The following ACSBG1 variants were observed in gnomAD, a reference collection of about 807,000 sequenced individuals.
The protein encoded by ACSBG1 is long-chain-fatty-acid--CoA ligase ACSBG1.
In ACSBG1, 39 loss-of-function variants were observed where a neutral mutation model predicts 80.2. The ratio of observed to expected loss-of-function variants is 0.49; its 90% CI spans 0.38 to 0.64. The LOEUF (loss-of-function observed/expected upper bound fraction) is 0.64, where lower values mean the gene tolerates loss of function less well. Among genes scored for constraint, ACSBG1 ranks in the 30% least tolerant of loss-of-function variants. The pLI, the probability that ACSBG1 is intolerant of heterozygous loss-of-function variation, is 0.00. For synonymous variants in ACSBG1, 392 were observed against 379.5 expected (o/e 1.03, Z -0.38); for missense variants, 828 against 966.4 (o/e 0.86, Z 1.90).
chr15:78,194,872 ACTGGGGTAGG>A (rs1176044158), intron 2 of ACSBG1, 146 bp from the exon 3 acceptor site: 3 of 752,408 alleles, frequency 4.0e-6, no homozygotes, highest in East Asian at 2.7e-5. Context: ...ACTGGGGTAG[ACTGGGGTAGG>A]CTGGGAGACC....
rs1026719466 is a variant in ACSBG1, at chr15:78,180,843, C to T, written c.1165G>A (p.Val389Met). 1.5e-5 allele frequency: 25 copies of T among 1,614,108 alleles called. No homozygotes were observed. Among genetic ancestry groups the T allele is most frequent in the Non-Finnish European group, 2.1e-5 (25 of 1,180,048 alleles). ...CGGATGAAGCCAGACTGAGCCGCCA[C>T]CTCCTGGATGCGCTCCATGATCTTC... ...WEKIMERIQE[V>M]AAQSGFIRRK... The change falls in exon 9 of 14, where the codon GTG (valine) becomes ATG (methionine). Residue 389 changes from valine (V) to methionine (M), a missense_variant. Val to Met is a conservative substitution (Grantham distance 21, BLOSUM62 1). Around this residue, in one of 3 missense-constraint regions of ACSBG1, gnomAD observed 271 missense variants for 375.9 expected, o/e 0.72. Coordinates refer to ENST00000258873, the MANE Select transcript of ACSBG1 (RefSeq NM_015162.5).
At chr15:78,207,052 G>C (rs2075222670) in intron 2 of ACSBG1, among the ~76,000 whole-genome samples, 1 of 152,232 alleles carries the variant, frequency 6.6e-6, no homozygotes, top group Non-Finnish European at 1.5e-5. Context: ...TAAGCCAGTT[G>C]GTGGGACCTG....
intron 1 of ACSBG1, 47 bp from the exon 2 acceptor site, chr15:78,208,149 G>T: frequency 6.7e-7 from 1 of 1,497,428 alleles, no homozygotes; most frequent in Non-Finnish European, 9.2e-7. Context: ...GAACGTGGGG[G>T]ACCGGCCTGG....
chr15:78,172,418 G>A lies in ACSBG1; in HGVS notation c.2090-889C>T, dbSNP rs2074835095. Among the ~76,000 whole-genome samples, 1 of 152,124 alleles carries A rather than the reference G, an allele frequency of 6.6e-6. No homozygotes were observed. Among genetic ancestry groups the A allele is most frequent in the Non-Finnish European group, 1.5e-5 (1 of 68,020 alleles). ...CCAGGTTATGGGGAGCCTCTGCCAT[G>A]GTCTTTATGAGAGGTCTTCCCCTAA... On this transcript the variant is annotated intron_variant, in intron 13 of 13. Transcript: ENST00000258873. This position sits in a 1 kb window ranked among gnomAD's most constrained non-coding sequence, Gnocchi z 4.1.
At chr15:78,215,860 CA>C (rs2075308572) in intron 1 of ACSBG1, among the ~76,000 whole-genome samples, 1 of 152,036 alleles carries the variant, frequency 6.6e-6, no homozygotes. Context: ...TGGCTCATTC[CA>C]AGATCAGGAA....
chr15:78,202,860 T>C (rs1171257613), intron 2 of ACSBG1, among the ~76,000 whole-genome samples: 1 of 152,094 alleles, frequency 6.6e-6, no homozygotes, highest in Non-Finnish European at 1.5e-5. Context: ...GAGATGGATA[T>C]CCATACAGCA....
intron 5 of ACSBG1, among the ~76,000 whole-genome samples, chr15:78,187,237 T>C (rs1052560408): frequency 6.2e-4 from 94 of 152,138 alleles, no homozygotes; most frequent in East Asian, 2.9e-3. Flanking sequence ...CCGAATTCTA[T>C]CAGAGGTACA....
At chr15:78,230,522 C>T (rs974975115) in intron 1 of ACSBG1, among the ~76,000 whole-genome samples, 7 of 152,200 alleles carry the variant, frequency 4.6e-5, no homozygotes, top group South Asian at 4.1e-4. Flanking sequence ...TCAGGGCAAA[C>T]GGGCAGGACT....
intron 1 of ACSBG1, chr15:78,226,551 T>A (rs2075401685): frequency 5.1e-6 from 1 of 195,486 alleles, no homozygotes; most frequent in South Asian, 7.7e-5. Flanking sequence ...GGTGGGAAGA[T>A]CGCTTCAGGC....
intron 2 of ACSBG1, among the ~76,000 whole-genome samples, chr15:78,194,936 G>A (rs1477107244): frequency 6.6e-6 from 1 of 152,256 alleles, no homozygotes. Flanking sequence ...GAAGAGCAAA[G>A]TTTAGGGATG....
chr15:78,202,320 C>T (rs1054554064), intron 2 of ACSBG1, among the ~76,000 whole-genome samples: 2 of 152,138 alleles, frequency 1.3e-5, no homozygotes, highest in African/African-American at 4.8e-5. Context: ...AAGCGATTCC[C>T]CCGCCTCAGC....
chr15:78,204,024 G>A (rs1310772274), intron 2 of ACSBG1, among the ~76,000 whole-genome samples: 1 of 152,188 alleles, frequency 6.6e-6, no homozygotes, highest in Non-Finnish European at 1.5e-5. Context: ...AGAGAGATAA[G>A]GACAAGACCT....
Position 78,226,603 on chromosome 15 carries a change from T to C in ACSBG1, c.131+7768A>G, listed in dbSNP as rs150726274. On this transcript the variant is annotated intron_variant, in intron 1 of 13. Coordinates refer to ENST00000258873, the MANE Select transcript of ACSBG1 (RefSeq NM_015162.5). The stretch of plus-strand genomic sequence containing the variant: ...GCCTGGGCAATGTAGCAAGACTCCA[T>C]CTCTACAAAAAAAAAAAAAACTTTT... 2.6e-3 allele frequency: 507 copies of C among 198,526 alleles called. 3 individuals are homozygous for C. Among genetic ancestry groups the C allele is most frequent in the African/African-American group, 0.013 (495 of 38,612 alleles). The allele number at this position is 198,526 out of a possible 1,614,324, so 12.3% of individuals were successfully genotyped here.
intron 13 of ACSBG1, 22 bp from the exon 14 acceptor site, chr15:78,171,551 A>G: frequency 1.3e-6 from 2 of 1,595,894 alleles, no homozygotes; most frequent in Non-Finnish European, 1.7e-6. Flanking sequence ...ATGAGAAGAA[A>G]TGAGTGAGGC....
chr15:78,183,798 C>A (rs1256704173), intron 5 of ACSBG1, among the ~76,000 whole-genome samples: 1 of 131,630 alleles, frequency 7.6e-6, no homozygotes, highest in African/African-American at 2.9e-5. Context: ...ATCCCAGCTA[C>A]TTGGGAGGCT....
At chr15:78,230,635 T>C (rs567229135) in intron 1 of ACSBG1, among the ~76,000 whole-genome samples, 1 of 152,284 alleles carries the variant, frequency 6.6e-6, no homozygotes, top group Admixed American at 6.5e-5. Flanking sequence ...AATTGCATCA[T>C]GGGGGCAGGT....
chr15:78,220,750 A>ATCAAAG (rs2075353585), intron 1 of ACSBG1, among the ~76,000 whole-genome samples: 1 of 152,266 alleles, frequency 6.6e-6, no homozygotes, highest in Non-Finnish European at 1.5e-5. Flanking sequence ...GGAAATGCAA[A>ATCAAAG]TCAAAGTCAC....
chr15:78,181,067 G>GTGTGT, intron 8 of ACSBG1, 131 bp from the exon 9 acceptor site: 2 of 1,058,720 alleles, frequency 1.9e-6, no homozygotes, highest in Non-Finnish European at 2.7e-6. Context: ...TGCACGCAAG[G>GTGTGT]GTGGCACATA....
At chr15:78,173,985 A>G in intron 12 of ACSBG1, 146 bp from the exon 13 acceptor site, 1 of 1,015,130 alleles carries the variant, frequency 9.9e-7, no homozygotes, top group East Asian at 2.7e-5. Flanking sequence ...AGTAGCTGCT[A>G]CTGTGTTGAG....
Sources: gnomAD v4.1 joint callset for allele counts (sites outside exome capture counted in the v4.1 genomes callset) on GRCh38, gnomAD v4.1.1 for gene constraint, gnomAD v4.1.1 regional missense constraint, Gnocchi (gnomAD v3.1) non-coding constraint, MANE v1.5 for transcripts, NCBI Gene and HGNC (gene_info 2026-07-23, HGNC 2026-07-21) for gene names.